Variants in ADAMTS6 observed in about 807,000 individuals in gnomAD.
ADAMTS6 encodes A disintegrin and metalloproteinase with thrombospondin motifs 6.
In ADAMTS6, 23 loss-of-function variants were observed where a neutral mutation model predicts 144.3. The ratio of observed to expected loss-of-function variants is 0.16; its 90% confidence interval spans 0.11 to 0.23. The LOEUF (loss-of-function observed/expected upper bound fraction) is 0.23. Ranked by LOEUF, ADAMTS6 falls within the 10% of genes least tolerant of loss-of-function variation. ADAMTS6 has a pLI of 1.00. For synonymous variants in ADAMTS6, 444 were observed against 457.5 expected, an observed-to-expected ratio of 0.97 and a Z score of 0.38; for missense variants, 999 against 1,379.6, an observed-to-expected ratio of 0.72 and a Z score of 4.37.
At chr5:65,350,716 C>T (rs753406477) in intron 7 of ADAMTS6, among the ~76,000 whole-genome samples, 2 of 152,086 alleles carry the variant, frequency 1.3e-5, no homozygotes, top group Non-Finnish European at 2.9e-5. Flanking sequence ...TGCAGTGGTG[C>T]GATCTCAGCT....
intron 7 of ADAMTS6, among the ~76,000 whole-genome samples, chr5:65,433,721 A>G (rs1234319817): frequency 6.6e-6 from 1 of 152,186 alleles, no homozygotes; most frequent in African/African-American, 2.4e-5. Context: ...CCTACTAGAA[A>G]GATTATAACT....
chr5:65,328,328 C>A (rs1042287903), intron 9 of ADAMTS6, among the ~76,000 whole-genome samples: 1 of 151,960 alleles, frequency 6.6e-6, no homozygotes, highest in Non-Finnish European at 1.5e-5. Context: ...TTTATTTGTT[C>A]TTTTTCCCCT....
intron 12 of ADAMTS6, among the ~76,000 whole-genome samples, chr5:65,273,073 T>C (rs936372847): frequency 6.6e-6 from 1 of 152,226 alleles, no homozygotes; most frequent in South Asian, 2.1e-4. Context: ...AAAAAGATTG[T>C]TGTTGCATTA....
At chr5:65,458,966 T>G (rs1480264049) in intron 4 of ADAMTS6, among the ~76,000 whole-genome samples, 1 of 152,220 alleles carries the variant, frequency 6.6e-6, no homozygotes, top group Non-Finnish European at 1.5e-5. Flanking sequence ...CTATGCTATA[T>G]CAAAGCGCAT....
chr5:65,238,607 A>G (rs958175609), intron 15 of ADAMTS6, among the ~76,000 whole-genome samples: 5 of 152,148 alleles, frequency 3.3e-5, no homozygotes, highest in African/African-American at 1.2e-4. Context: ...CTCAAAAAAA[A>G]AAAAAGGAAT....
At chr5:65,262,535 G>C (rs932691484) in intron 13 of ADAMTS6, among the ~76,000 whole-genome samples, 4 of 152,106 alleles carry the variant, frequency 2.6e-5, no homozygotes, top group African/African-American at 9.7e-5. Flanking sequence ...TTTTGGAGGA[G>C]GAAATCTGAT....
In ADAMTS6 at chr5:65,302,126, A is replaced by T. The variant is rs939943989; in HGVS notation, c.1224-1995T>A. On this transcript the variant is annotated intron_variant, in intron 9 of 24. Transcript: ENST00000381055. ...AAAAAAAATATATATATATATATAT[A>T]TATGCACATATAATATATATTTACA... 1.6e-4 allele frequency among the ~76,000 whole-genome samples: 23 copies of T among 143,838 alleles called. 1 individual carries two copies. Among genetic ancestry groups the T allele is most frequent in the Non-Finnish European group, 3.0e-4 (20 of 66,148 alleles). The allele number at this position is 143,838 out of a possible 152,430, so 94.4% of individuals were successfully genotyped here. A position where few individuals can be genotyped will look rare whatever the true frequency, so the allele number is the denominator to read the frequency against.
chr5:65,239,543 TA>T (rs1203037495), intron 15 of ADAMTS6, among the ~76,000 whole-genome samples: 5 of 152,072 alleles, frequency 3.3e-5, no homozygotes, highest in African/African-American at 1.2e-4. Flanking sequence ...AAAGAAAAAT[TA>T]TTTAAAAATT....
At chr5:65,447,035 C>T (rs555988259) in intron 7 of ADAMTS6, among the ~76,000 whole-genome samples, 25 of 152,022 alleles carry the variant, frequency 1.6e-4, no homozygotes, top group Admixed American at 1.5e-3. Flanking sequence ...TAAACTGTTA[C>T]GTATTATTAT....
chr5:65,459,121 C>A (rs772303092), intron 4 of ADAMTS6, among the ~76,000 whole-genome samples: 4 of 151,652 alleles, frequency 2.6e-5, no homozygotes, highest in Admixed American at 6.6e-5. Flanking sequence ...AAGCTATCCT[C>A]CCGCCTCTTG....
At chr5:65,384,466 A>G (rs1276869373) in intron 7 of ADAMTS6, among the ~76,000 whole-genome samples, 1 of 152,154 alleles carries the variant, frequency 6.6e-6, no homozygotes, top group African/African-American at 2.4e-5. Flanking sequence ...CACAAACACA[A>G]TTCAGCCAAG....
intron 10 of ADAMTS6, 62 bp from the exon 11 acceptor site, chr5:65,291,532 T>C: frequency 6.7e-7 from 1 of 1,491,096 alleles, no homozygotes; most frequent in Non-Finnish European, 9.0e-7. Context: ...GTCACAATTA[T>C]GAAACCACGT....
chr5:65,157,875 A>G (rs1459316044), intron 24 of ADAMTS6, among the ~76,000 whole-genome samples: 1 of 152,220 alleles, frequency 6.6e-6, no homozygotes, highest in African/African-American at 2.4e-5. Context: ...ATTCATTGTA[A>G]CAGAACAGTA....
intron 7 of ADAMTS6, among the ~76,000 whole-genome samples, chr5:65,428,666 T>A (rs1232537786): frequency 6.6e-6 from 1 of 152,196 alleles, no homozygotes; most frequent in Non-Finnish European, 1.5e-5. Flanking sequence ...CATGTTTGAA[T>A]TTTCCTGGGG....
At chr5:65,195,933 A>G (rs1341429124) in intron 21 of ADAMTS6, among the ~76,000 whole-genome samples, 1 of 152,258 alleles carries the variant, frequency 6.6e-6, no homozygotes. Flanking sequence ...TCAACTCAAC[A>G]TCACATAATC....
chr5:65,462,742 A>C (rs1759718653), intron 3 of ADAMTS6, among the ~76,000 whole-genome samples: 1 of 152,220 alleles, frequency 6.6e-6, no homozygotes, highest in African/African-American at 2.4e-5. Context: ...AGTGAACCAA[A>C]GTTCCAGCTG....
chr5:65,188,660 A>G (rs996562879), intron 21 of ADAMTS6, among the ~76,000 whole-genome samples: 32 of 151,856 alleles, frequency 2.1e-4, no homozygotes, highest in African/African-American at 7.3e-4. Context: ...TAGTGTAAAA[A>G]CCTCACTATG....
chr5:65,196,329 T>C (rs1304084385), intron 21 of ADAMTS6, among the ~76,000 whole-genome samples: 3 of 151,868 alleles, frequency 2.0e-5, no homozygotes, highest in South Asian at 2.1e-4. Context: ...GAGGTGATCC[T>C]GGCTAACACA....
At chr5:65,370,324 C>T (rs866694007) in intron 7 of ADAMTS6, among the ~76,000 whole-genome samples, 15 of 152,140 alleles carry the variant, frequency 9.9e-5, no homozygotes, top group Admixed American at 4.6e-4. Flanking sequence ...GCATGAGCAA[C>T]GCAGAAGGCG....
Sources: gnomAD v4.1 joint callset for allele counts (sites outside exome capture counted in the v4.1 genomes callset) on GRCh38, gnomAD v4.1.1 for gene constraint, MANE v1.5 for transcripts, NCBI Gene and HGNC (gene_info 2026-07-23, HGNC 2026-07-21) for gene names.